Variants in DPYD observed in about 807,000 individuals in gnomAD.
DPYD encodes dihydropyrimidine dehydrogenase, also known as dihydropyrimidine dehydrogenase [NADP(+)].
Under a neutral mutation model 116.2 loss-of-function variants are expected in DPYD, and 109 were observed. That is an observed-to-expected ratio of 0.94 (90% confidence interval 0.80 to 1.10). The LOEUF is 1.10. DPYD is among the 50% of genes least tolerant of loss of function. The pLI, the probability that DPYD is intolerant of heterozygous loss-of-function variation, is 0.00. For synonymous variants in DPYD, 440 were observed against 432.0 expected (o/e 1.02, Z -0.23); for missense variants, 1,302 against 1,254.5 (o/e 1.04, Z -0.57).
At chr1:97,216,521 C>G (rs1393082907) in intron 19 of DPYD, among the ~76,000 whole-genome samples, 2 of 152,144 alleles carry the variant, frequency 1.3e-5, no homozygotes, top group African/African-American at 4.8e-5. Flanking sequence ...AAGCGGGGCA[C>G]AGTGGCTCAC....
At chr1:97,475,945 A>G (rs1351440770) in intron 13 of DPYD, among the ~76,000 whole-genome samples, 1 of 152,232 alleles carries the variant, frequency 6.6e-6, no homozygotes, top group Non-Finnish European at 1.5e-5. Context: ...GAGTTTGATT[A>G]TTAAGTAATC....
At chr1:97,815,521 T>C (rs1668559479) in intron 3 of DPYD, among the ~76,000 whole-genome samples, 1 of 152,122 alleles carries the variant, frequency 6.6e-6, no homozygotes. Context: ...GGATAGTCAA[T>C]TGAAGCAAAT....
intron 12 of DPYD, among the ~76,000 whole-genome samples, chr1:97,549,011 T>G (rs1651114963): frequency 6.6e-6 from 1 of 151,992 alleles, no homozygotes; most frequent in Admixed American, 6.6e-5. Context: ...TTTGAACACA[T>G]CAGGACTAAT....
chr1:97,249,941 A>C (rs1486317187), intron 18 of DPYD, among the ~76,000 whole-genome samples: 1 of 152,204 alleles, frequency 6.6e-6, no homozygotes, highest in African/African-American at 2.4e-5. Flanking sequence ...AATGTGGAAC[A>C]AAACGAACTC....
intron 12 of DPYD, among the ~76,000 whole-genome samples, chr1:97,516,359 T>C (rs574193402): frequency 1.3e-5 from 2 of 152,050 alleles, no homozygotes; most frequent in African/African-American, 4.8e-5. Context: ...TTCACTACTG[T>C]TTAGGCGATT....
intron 21 of DPYD, among the ~76,000 whole-genome samples, chr1:97,083,797 T>C (rs1649324620): frequency 6.6e-6 from 1 of 152,134 alleles, no homozygotes; most frequent in Non-Finnish European, 1.5e-5. Context: ...TGTATTTCTT[T>C]AGTTTTGTGA....
intron 4 of DPYD, among the ~76,000 whole-genome samples, chr1:97,734,058 A>G (rs1663786476): frequency 6.6e-6 from 1 of 152,094 alleles, no homozygotes; most frequent in African/African-American, 2.4e-5. Context: ...TGCATGGCAA[A>G]TAATTTTTCA....
intron 12 of DPYD, among the ~76,000 whole-genome samples, chr1:97,548,806 T>C (rs1651099558): frequency 6.6e-6 from 1 of 152,112 alleles, no homozygotes; most frequent in Admixed American, 6.6e-5. Flanking sequence ...CATCAAATGT[T>C]TGTTTCCTTT....
At chr1:97,652,131 C>A (rs1260585742) in intron 8 of DPYD, among the ~76,000 whole-genome samples, 3 of 151,958 alleles carry the variant, frequency 2.0e-5, no homozygotes, top group Non-Finnish European at 4.4e-5. Context: ...TATAAATAGT[C>A]ATATAACCTA....
At chr1:97,359,949 C>T (rs1670630769) in intron 16 of DPYD, among the ~76,000 whole-genome samples, 1 of 152,164 alleles carries the variant, frequency 6.6e-6, no homozygotes, top group Non-Finnish European at 1.5e-5. Context: ...ATCAAATTCA[C>T]ACATAACAAT....
chr1:97,349,945 C>CAAAA (rs71939887), intron 16 of DPYD, among the ~76,000 whole-genome samples: 5,093 of 134,632 alleles, frequency 0.038, 160 homozygotes, highest in South Asian at 0.12. Flanking sequence ...TAAAAGAATC[C>CAAAA]AAAAAAAAAA....
chr1:97,494,372 A>G (rs1679136010), intron 13 of DPYD, among the ~76,000 whole-genome samples: 1 of 152,042 alleles, frequency 6.6e-6, no homozygotes, highest in South Asian at 2.1e-4. Flanking sequence ...TAAAAAAAAG[A>G]ATTTAAATTT....
chr1:97,503,645 T>C (rs1409431589), intron 13 of DPYD, among the ~76,000 whole-genome samples: 1 of 151,958 alleles, frequency 6.6e-6, no homozygotes, highest in Non-Finnish European at 1.5e-5. Flanking sequence ...CTCCCAGTCC[T>C]CCTCAACACC....
chr1:97,482,458 G>T (rs6685976), intron 13 of DPYD, among the ~76,000 whole-genome samples: 1 of 151,978 alleles, frequency 6.6e-6, no homozygotes, highest in Admixed American at 6.6e-5. Context: ...GAAAGATACC[G>T]TTTCCATGTG....
chr1:97,676,441 C>T (rs756653580), intron 8 of DPYD, among the ~76,000 whole-genome samples: 3 of 152,106 alleles, frequency 2.0e-5, no homozygotes, highest in Non-Finnish European at 4.4e-5. Flanking sequence ...TGGTAACTAC[C>T]CACAGACCAA....
At chr1:97,809,141 T>C (rs1470007039) in intron 3 of DPYD, among the ~76,000 whole-genome samples, 1 of 152,138 alleles carries the variant, frequency 6.6e-6, no homozygotes, top group Non-Finnish European at 1.5e-5. Flanking sequence ...AAGAGAAATA[T>C]GATTTGACCA....
intron 3 of DPYD, among the ~76,000 whole-genome samples, chr1:97,802,194 T>C (rs1303710189): frequency 6.6e-6 from 1 of 151,852 alleles, no homozygotes; most frequent in Non-Finnish European, 1.5e-5. Flanking sequence ...AAATTTGTAG[T>C]TGGATACAGC....
At chr1:97,122,352 G>A (rs1652513839) in intron 20 of DPYD, among the ~76,000 whole-genome samples, 1 of 152,156 alleles carries the variant, frequency 6.6e-6, no homozygotes, top group African/African-American at 2.4e-5. Context: ...TTGTGGCAGT[G>A]ATGGGGCTAG....
At chr1:97,551,160 A>G (rs989977397) in intron 11 of DPYD, among the ~76,000 whole-genome samples, 7 of 152,276 alleles carry the variant, frequency 4.6e-5, no homozygotes, top group Middle Eastern at 3.4e-3. Context: ...TTATTTTAAA[A>G]TCTTCTACTG....
Sources: gnomAD v4.1 joint callset for allele counts (sites outside exome capture counted in the v4.1 genomes callset) on GRCh38, gnomAD v4.1.1 for gene constraint, MANE v1.5 for transcripts, NCBI Gene and HGNC (gene_info 2026-07-23, HGNC 2026-07-21) for gene names.